CTSH: variants seen among roughly 807,000 people sequenced by gnomAD.
The protein encoded by CTSH is pro-cathepsin H.
In CTSH, 52 loss-of-function variants were observed where a neutral mutation model predicts 56.3. The observed-to-expected ratio is 0.92, with a 90% CI of 0.74 to 1.16. CTSH has a LOEUF of 1.16. Ranked by LOEUF, CTSH falls within the 50% of genes most tolerant of loss-of-function variation. The pLI is 0.00. For missense variants in CTSH, 406 were observed against 424.5 expected (o/e 0.96, Z 0.38); for synonymous variants, 174 against 155.7 (o/e 1.12, Z -0.88).
intron 1 of CTSH, chr15:78,944,583 C>A: frequency 3.3e-6 from 1 of 306,558 alleles, no homozygotes; most frequent in Non-Finnish European, 6.1e-6. Context: ...ACTCTGTGTC[C>A]CCAGTTGAGG....
chr15:78,924,207 G>A (rs2054848960), intron 10 of CTSH, among the ~76,000 whole-genome samples: 1 of 152,058 alleles, frequency 6.6e-6, no homozygotes, highest in African/African-American at 2.4e-5. Flanking sequence ...GGGCTGCAGG[G>A]TGGAACGGCG....
chr15:78,942,207 C>T (rs2055309755), intron 1 of CTSH, among the ~76,000 whole-genome samples: 1 of 134,354 alleles, frequency 7.4e-6, no homozygotes, highest in African/African-American at 2.8e-5. Context: ...CCCTCCCTTT[C>T]TTTCCTTCTT....
intron 1 of CTSH, chr15:78,944,588 T>A (rs914923429): frequency 1.9e-5 from 6 of 308,728 alleles, no homozygotes; most frequent in Non-Finnish European, 2.4e-5. Context: ...GTGTCCCCAG[T>A]TGAGGAAGGC....
intron 2 of CTSH, among the ~76,000 whole-genome samples, chr15:78,938,241 C>A (rs957761066): frequency 2.6e-5 from 4 of 152,050 alleles, no homozygotes; most frequent in Admixed American, 6.6e-5. Flanking sequence ...TGGTGGCAGA[C>A]ACTTGTAATC....
intron 2 of CTSH, chr15:78,937,712 G>T: frequency 5.9e-6 from 8 of 1,366,558 alleles, no homozygotes; most frequent in Non-Finnish European, 6.7e-6. Context: ...ACTCCTGGAC[G>T]CCACTGCTGG....
At position 78,922,412 on chromosome 15, in the gene CTSH, A is replaced by G. The variant is rs982005280; in HGVS notation, c.933-207T>C. Among the ~76,000 whole-genome samples the G allele has an allele frequency of 3.3e-5, 5 of 152,178 alleles. No homozygotes were observed. In the East Asian group the frequency reaches 9.6e-4, roughly 29 times the overall value. ...CATTCTTCCCTCTCCTTAGCTGCCA[A>G]ATGAATGATCCATATCCCACTTCTC... On this transcript the variant is annotated intron_variant, in intron 11 of 11. Coordinates refer to ENST00000220166, the MANE Select transcript of CTSH (RefSeq NM_004390.5).
chr15:78,933,265 C>G (rs574668137), intron 5 of CTSH, among the ~76,000 whole-genome samples: 2 of 152,356 alleles, frequency 1.3e-5, no homozygotes, highest in East Asian at 3.9e-4. Context: ...CTTCCCCTCT[C>G]GAAGCCTTGG....
At chr15:78,925,177 C>T (rs2054875917) in intron 10 of CTSH, among the ~76,000 whole-genome samples, 157 bp downstream of exon 10, 2 of 152,182 alleles carry the variant, frequency 1.3e-5, no homozygotes, top group South Asian at 4.1e-4. Context: ...TGAGGATTAA[C>T]TGAGGGATGT....
chr15:78,941,354 G>A lies in CTSH; in HGVS notation c.92-2183C>T, dbSNP rs1230356894. Among the ~76,000 whole-genome samples, 3 of 146,758 alleles carry A rather than the reference G, an allele frequency of 2.0e-5. No individual in the cohort carries two copies. In the East Asian group the frequency reaches 6.1e-4, roughly 30 times the overall value. On this transcript the variant is annotated intron_variant, in intron 1 of 11. Coordinates refer to ENST00000220166, the MANE Select transcript of CTSH (RefSeq NM_004390.5). ...GCAGAAGAATTGCTTGAACCTGGGA[G>A]GCAGAGGTTGCAGTAGCCAAGATCG...
intron 2 of CTSH, 45 bp downstream of exon 2, chr15:78,939,095 C>T (rs764132247): frequency 1.3e-6 from 2 of 1,550,834 alleles, no homozygotes; most frequent in Admixed American, 1.9e-5. Context: ...TAACAGGAAA[C>T]TTTGTGAAAT....
At chr15:78,934,867 G>A in intron 5 of CTSH, 111 bp downstream of exon 5, 1 of 765,550 alleles carries the variant, frequency 1.3e-6, no homozygotes, top group Non-Finnish European at 2.4e-6. Flanking sequence ...AGGAAACAGA[G>A]GCAGGGATGT....
intron 7 of CTSH, 80 bp downstream of exon 7, chr15:78,931,371 G>A (rs1396820566): frequency 6.3e-7 from 1 of 1,574,874 alleles, no homozygotes; most frequent in African/African-American, 1.3e-5. Flanking sequence ...ATCTGTGGCA[G>A]ACCCAGCACA....
intron 5 of CTSH, chr15:78,933,516 C>T (rs1304476430): frequency 1.3e-5 from 6 of 455,046 alleles, no homozygotes; most frequent in African/African-American, 1.2e-4. Context: ...TAGGTTGACA[C>T]TGGCCTCACC....
chr15:78,924,416 A>G (rs1006830333), intron 10 of CTSH, among the ~76,000 whole-genome samples: 3 of 152,100 alleles, frequency 2.0e-5, no homozygotes, highest in Admixed American at 1.3e-4. Context: ...TCCAAGGACA[A>G]TGGTGACCAG....
At chr15:78,941,372 C>T (rs1051929951) in intron 1 of CTSH, among the ~76,000 whole-genome samples, 6 of 123,708 alleles carry the variant, frequency 4.9e-5, no homozygotes, top group African/African-American at 1.9e-4. Context: ...TTGCAGTAGC[C>T]AAGATCGTGC....
chr15:78,937,479 G>A, intron 2 of CTSH, 56 bp from the exon 3 acceptor site: 7 of 1,498,710 alleles, frequency 4.7e-6, no homozygotes, highest in Non-Finnish European at 5.5e-6. Flanking sequence ...CTCCCTAGAG[G>A]GAGACCTTTT....
intron 3 of CTSH, chr15:78,936,997 G>A (rs2055189756): frequency 6.8e-6 from 2 of 292,354 alleles, no homozygotes; most frequent in Non-Finnish European, 1.3e-5. Context: ...CTGAGCCCAT[G>A]AGCAACCCCT....
chr15:78,923,618 G>C (rs1372378214), intron 10 of CTSH, among the ~76,000 whole-genome samples: 1 of 152,092 alleles, frequency 6.6e-6, no homozygotes, highest in African/African-American at 2.4e-5. Context: ...TTCTGCTTCT[G>C]TCAGGAGAAT....
Position 78,939,162 on chromosome 15 carries a change from T to C in CTSH, c.101A>G (p.His34Arg), listed in dbSNP as rs1409838706. ...ELCVNSLEKF[H>R]FKSWMSKHRK... ...GACCTTAGACATCCATGACTTGAAG[T>C]GAAACTTCTCTGTAAAAAGAAAAAA... The change falls in exon 2 of 12, where the codon CAC (histidine) becomes CGC (arginine). Residue 34 changes from histidine to arginine, a missense_variant. His to Arg is a conservative substitution (Grantham distance 29). Coordinates refer to ENST00000220166, the MANE Select transcript of CTSH (RefSeq NM_004390.5). 4 of 1,590,818 alleles carry C rather than the reference T, an allele frequency of 2.5e-6. No homozygotes were observed. The Admixed American group carries it at 7.3e-5, about 29-fold the overall frequency.
Sources: allele counts gnomAD v4.1 joint callset (sites outside exome capture counted in the v4.1 genomes callset), GRCh38; gene constraint gnomAD v4.1.1; transcripts MANE v1.5; gene names NCBI Gene and HGNC (gene_info 2026-07-23, HGNC 2026-07-21).